Variants in KCNK5 observed in about 807,000 individuals in gnomAD.
The protein encoded by KCNK5 is potassium channel subfamily K member 5.
Under a neutral mutation model 32.9 loss-of-function variants are expected in KCNK5, and 18 were observed. The ratio of observed to expected loss-of-function variants is 0.55; its 90% CI spans 0.38 to 0.81. KCNK5 has a LOEUF of 0.81. Among genes scored for constraint, KCNK5 ranks in the 30% least tolerant of loss-of-function variants. The pLI is 0.00. For synonymous variants in KCNK5, 276 were observed against 275.3 expected (o/e 1.00, Z -0.03); for missense variants, 507 against 651.0 (o/e 0.78, Z 2.41).
chr6:39,197,505 C>T (rs930699111), intron 1 of KCNK5, among the ~76,000 whole-genome samples: 1 of 152,238 alleles, frequency 6.6e-6, no homozygotes, highest in Non-Finnish European at 1.5e-5. Context: ...CTGGCCAAGG[C>T]AGCCCCTGCC....
intron 1 of KCNK5, among the ~76,000 whole-genome samples, chr6:39,207,111 G>A (rs1771240397): frequency 6.6e-6 from 1 of 152,172 alleles, no homozygotes; most frequent in South Asian, 2.1e-4. Context: ...ACCCCCCTGT[G>A]CCTTTGCAGG....
chr6:39,197,448 A>C (rs745520662), intron 1 of KCNK5, among the ~76,000 whole-genome samples: 2 of 152,346 alleles, frequency 1.3e-5, no homozygotes, highest in African/African-American at 2.4e-5. Flanking sequence ...GAGGCTACGA[A>C]GGCTGTGCAG....
At chr6:39,192,067 G>T (rs764756011) in intron 4 of KCNK5, among the ~76,000 whole-genome samples, 2 of 152,034 alleles carry the variant, frequency 1.3e-5, no homozygotes, top group Non-Finnish European at 2.9e-5. Flanking sequence ...GTCAAGGCAG[G>T]TGGATCACTT....
At chr6:39,220,583 C>T (rs144720332) in intron 1 of KCNK5, among the ~76,000 whole-genome samples, 3 of 152,284 alleles carry the variant, frequency 2.0e-5, no homozygotes, top group East Asian at 1.9e-4. Flanking sequence ...AGAAGGAAAC[C>T]GTCCCTATTT....
chr6:39,221,989 G>A, intron 1 of KCNK5, among the ~76,000 whole-genome samples: 1 of 152,220 alleles, frequency 6.6e-6, no homozygotes, highest in East Asian at 1.9e-4. Context: ...AGCACAGAAA[G>A]GATAGCCAGT....
chr6:39,202,588 G>A (rs1387646046), intron 1 of KCNK5, among the ~76,000 whole-genome samples: 1 of 152,186 alleles, frequency 6.6e-6, no homozygotes, highest in Non-Finnish European at 1.5e-5. Context: ...CTGCAGGGAG[G>A]CCTGTCCCCT....
chr6:39,206,953 G>A (rs1164442838), intron 1 of KCNK5, among the ~76,000 whole-genome samples: 1 of 152,216 alleles, frequency 6.6e-6, no homozygotes, highest in Non-Finnish European at 1.5e-5. Context: ...TAGAACAAGG[G>A]GCTTGGGGAG....
chr6:39,219,744 G>A (rs1771506943), intron 1 of KCNK5, among the ~76,000 whole-genome samples: 1 of 152,144 alleles, frequency 6.6e-6, no homozygotes, highest in Admixed American at 6.5e-5. Flanking sequence ...TGAGCACAGT[G>A]CTGGACAGAC....
chr6:39,229,395 A>G lies in KCNK5; in HGVS notation c.-284T>C. 1 of 486,524 alleles carries G rather than the reference A, an allele frequency of 2.1e-6. No individual in the cohort carries two copies. Among genetic ancestry groups the G allele is most frequent in the Non-Finnish European group, 3.8e-6 (1 of 266,006 alleles). The allele number at this position is 486,524 out of a possible 1,614,324, so 30.1% of individuals were successfully genotyped here. A position where few individuals can be genotyped will look rare whatever the true frequency, so the allele number is the denominator to read the frequency against. On this transcript the variant is annotated 5_prime_UTR_variant, in exon 1 of 5. Transcript: ENST00000359534. ...GGACCGCGGATGCGTAAGGAGCGGG[A>G]AGAACACAGGACTTGACTCTGGGCA... is the stretch of plus-strand genomic sequence containing the variant.
chr6:39,209,644 G>C (rs1292365715), intron 1 of KCNK5, among the ~76,000 whole-genome samples: 2 of 152,180 alleles, frequency 1.3e-5, no homozygotes, highest in Non-Finnish European at 2.9e-5. Context: ...TGTGAAATGC[G>C]AGAGGCAGAA....
Position 39,228,958 on chromosome 6 carries a change from G to C in KCNK5, c.154C>G (p.Leu52Val). 1.9e-6 allele frequency: 3 copies of C among 1,614,212 alleles called. No homozygotes were observed. Among genetic ancestry groups the C allele is most frequent in the Non-Finnish European group, 2.5e-6 (3 of 1,180,034 alleles). The change falls in exon 1 of 5, where the codon CTG becomes GTG. Residue 52 changes from leucine (L) to valine (V), a missense_variant. Transcript: ENST00000359534. ...KLHLLKEFPCLGQEGLDKILE... is the reference protein window; with the variant it reads ...KLHLLKEFPCVGQEGLDKILE... ...ATCTTGTCCAGGCCCTCCTGACCCA[G>C]GCACGGGAACTCCTTGAGCAGATGC...
At chr6:39,204,504 C>T (rs1012438099) in intron 1 of KCNK5, among the ~76,000 whole-genome samples, 3 of 152,242 alleles carry the variant, frequency 2.0e-5, no homozygotes, top group African/African-American at 7.2e-5. Context: ...TCATCAGTCA[C>T]CATACTACTT....
chr6:39,196,425 CAT>C (rs1771031937), intron 1 of KCNK5, among the ~76,000 whole-genome samples: 1 of 152,218 alleles, frequency 6.6e-6, no homozygotes, highest in Non-Finnish European at 1.5e-5. Flanking sequence ...AAAAAAAGCA[CAT>C]GTGAGGCAGA....
intron 1 of KCNK5, among the ~76,000 whole-genome samples, chr6:39,215,320 C>T (rs1425598933): frequency 3.3e-5 from 5 of 152,206 alleles, no homozygotes; most frequent in African/African-American, 4.8e-5. Flanking sequence ...CCCTTCCACT[C>T]GCTGCTCTGA....
intron 1 of KCNK5, among the ~76,000 whole-genome samples, chr6:39,217,118 CAAAAAAAAAA>C (rs57204833): frequency 2.0e-4 from 15 of 74,446 alleles, no homozygotes; most frequent in Admixed American, 1.7e-3. Context: ...AAAACTCCAT[CAAAAAAAAAA>C]AAAAAAAAAA....
intron 1 of KCNK5, among the ~76,000 whole-genome samples, chr6:39,202,367 G>T (rs1771145658): frequency 6.6e-6 from 1 of 152,156 alleles, no homozygotes; most frequent in Non-Finnish European, 1.5e-5. Context: ...CGGCGGCGGG[G>T]CTCACAGGGG....
At chr6:39,226,981 G>A (rs1418081142) in intron 1 of KCNK5, among the ~76,000 whole-genome samples, 1 of 151,992 alleles carries the variant, frequency 6.6e-6, no homozygotes, top group East Asian at 1.9e-4. Context: ...TGGTAGGGGG[G>A]TAAATGTTGA....
intron 1 of KCNK5, among the ~76,000 whole-genome samples, chr6:39,198,109 C>G (rs1469766354): frequency 1.3e-5 from 2 of 152,198 alleles, no homozygotes; most frequent in Non-Finnish European, 2.9e-5. Context: ...AAGTGCATCT[C>G]CTTTTCAAAG....
chr6:39,229,095 G>C lies in KCNK5; in HGVS notation c.17C>G (p.Pro6Arg). The change falls in exon 1 of 5, where the codon CCT becomes CGT. Residue 6 changes from proline (P) to arginine (R), a missense_variant. This residue lies in a region of KCNK5 where 143 missense variants were observed against 219.1 expected (regional missense o/e 0.65). Transcript: ENST00000359534. Reference sequence around the variant, plus strand: ...GAAGATGATGGCCGAGGTGAGCAGAGGGCCCCGGTCCACCATGGCTCCCGA... The same window carrying C: ...GAAGATGATGGCCGAGGTGAGCAGACGGCCCCGGTCCACCATGGCTCCCGA... The part of the protein sequence containing the change: MVDRG[P>R]LLTSAIIFYL... 1 of 1,614,126 alleles carries C rather than the reference G, an allele frequency of 6.2e-7. No homozygotes were observed. The highest frequency in any genetic ancestry group is 1.7e-5 in the Admixed American group (1 of 60,028).
Sources: gnomAD v4.1 joint callset for allele counts (sites outside exome capture counted in the v4.1 genomes callset) on GRCh38, gnomAD v4.1.1 for gene constraint, gnomAD v4.1.1 regional missense constraint, MANE v1.5 for transcripts, NCBI Gene and HGNC (gene_info 2026-07-23, HGNC 2026-07-21) for gene names.